The following NCOA1 variants were observed in gnomAD, a reference collection of about 807,000 sequenced individuals.
NCOA1 encodes the protein Hin-2 protein.
In NCOA1, 35 loss-of-function variants were observed where a neutral mutation model predicts 150.9. The ratio of observed to expected loss-of-function variants is 0.23; its 90% CI spans 0.18 to 0.31. NCOA1 has a LOEUF of 0.31. NCOA1 is among the 10% of genes least tolerant of loss of function. The pLI is 1.00. For missense variants in NCOA1, 1,491 were observed against 1,749.3 expected (o/e 0.85, Z 2.63); for synonymous variants, 590 against 630.0 (o/e 0.94, Z 0.95).
At position 24,742,205 on chromosome 2, in the gene NCOA1, T is replaced by A; in HGVS notation, c.3706+19T>A. On this transcript the variant is annotated intron_variant, in intron 19 of 22. Coordinates refer to ENST00000348332, the MANE Select transcript of NCOA1 (RefSeq NM_003743.5). ...GGAGCAGGTAGGAAGGTCACAACTT[T>A]ATGTTGTTCTAAGTAATCCATACAG... 6.3e-7 allele frequency: 1 copy of A among 1,592,420 alleles called. No homozygotes were observed. Among genetic ancestry groups the A allele is most frequent in the African/African-American group, 1.3e-5 (1 of 74,680 alleles).
chr2:24,657,525 G>A (rs1671000883), intron 4 of NCOA1, among the ~76,000 whole-genome samples: 1 of 152,112 alleles, frequency 6.6e-6, no homozygotes, highest in African/African-American at 2.4e-5. Flanking sequence ...TGCCTTTTTG[G>A]TTGCATGAAA....
At position 24,705,122 on chromosome 2, in the gene NCOA1, G is replaced by A. The variant is rs776781109; in HGVS notation, c.986G>A (p.Arg329Lys). The change falls in exon 12 of 23, where the codon AGA (arginine) becomes AAA (lysine). Residue 329 changes from arginine (R) to lysine (K), a missense_variant. Arg to Lys is a conservative substitution (Grantham distance 26). Transcript: ENST00000348332. ...GGCACTGCCTCCAGCCCCTCCTATAGATTCATATTGAATGATGGGACAATG... is the reference window on the plus strand; with the variant it reads ...GGCACTGCCTCCAGCCCCTCCTATAAATTCATATTGAATGATGGGACAATG... ...TRGTASSPSY[R>K]FILNDGTMLS... 5 of 1,613,970 alleles carry A rather than the reference G, an allele frequency of 3.1e-6. No homozygotes were observed. In the Admixed American group the frequency reaches 6.7e-5, roughly 22 times the overall value.
At chr2:24,643,241 C>T (rs1037403360) in intron 3 of NCOA1, among the ~76,000 whole-genome samples, 1 of 152,144 alleles carries the variant, frequency 6.6e-6, no homozygotes, top group Admixed American at 6.5e-5. Flanking sequence ...TCCTTTAAAC[C>T]TAGCCTCTCT....
At position 24,693,248 on chromosome 2, in the gene NCOA1, G is replaced by A. The variant is rs751610596; in HGVS notation, c.713-4G>A. On this transcript the variant is annotated splice_region_variant and splice_polypyrimidine_tract_variant and intron_variant, in intron 9 of 22. Coordinates refer to ENST00000348332, the MANE Select transcript of NCOA1 (RefSeq NM_003743.5). ...CTTCAATTTCCCCGTCTTGTTTTGG[G>A]CAGATTTCCAGTCATGTCTGATTTG... The A allele has an allele frequency of 1.6e-5, 26 of 1,613,696 alleles. No individual in the cohort carries two copies. The East Asian group carries it at 4.9e-4, about 30-fold the overall frequency.
At chr2:24,500,038 G>T (rs535833894) in intron 1 of NCOA1, among the ~76,000 whole-genome samples, 4 of 152,214 alleles carry the variant, frequency 2.6e-5, no homozygotes, top group Non-Finnish European at 2.9e-5. Flanking sequence ...TCCCTGCTGG[G>T]TAGGCTGATA....
intron 17 of NCOA1, among the ~76,000 whole-genome samples, chr2:24,733,808 A>C (rs900213069): frequency 2.0e-5 from 3 of 152,180 alleles, no homozygotes; most frequent in African/African-American, 2.4e-5. Context: ...ACTTAGAACA[A>C]ATAGAGTAGT....
chr2:24,518,409 C>T (rs916264470), intron 1 of NCOA1, among the ~76,000 whole-genome samples: 16 of 152,012 alleles, frequency 1.1e-4, no homozygotes, highest in African/African-American at 3.9e-4. Context: ...AGACTAAATG[C>T]ATTCCCTCCA....
chr2:24,566,306 C>T (rs1353460992), intron 2 of NCOA1, among the ~76,000 whole-genome samples: 1 of 151,934 alleles, frequency 6.6e-6, no homozygotes, highest in East Asian at 1.9e-4. Flanking sequence ...CTCCTCTCCG[C>T]AGCTGGTCAT....
chr2:24,569,599 C>CGGTA (rs1167113497), intron 2 of NCOA1, among the ~76,000 whole-genome samples: 1 of 112,108 alleles, frequency 8.9e-6, no homozygotes, highest in Admixed American at 1.4e-4. Flanking sequence ...GGGCTAGGTA[C>CGGTA]GGTAGCTCAG....
intron 1 of NCOA1, among the ~76,000 whole-genome samples, chr2:24,536,209 A>G (rs190035343): frequency 1.0e-3 from 158 of 152,224 alleles, no homozygotes; most frequent in Non-Finnish European, 1.5e-3. Context: ...TTGATCTTCA[A>G]TCACTGATAT....
At chr2:24,516,051 C>T (rs764771474) in intron 1 of NCOA1, among the ~76,000 whole-genome samples, 1 of 152,094 alleles carries the variant, frequency 6.6e-6, no homozygotes, top group Non-Finnish European at 1.5e-5. Flanking sequence ...ACTCTGGTGG[C>T]TTGACTCCTG....
At chr2:24,535,997 G>A (rs1665122145) in intron 1 of NCOA1, among the ~76,000 whole-genome samples, 1 of 152,146 alleles carries the variant, frequency 6.6e-6, no homozygotes, top group African/African-American at 2.4e-5. Flanking sequence ...ATGTTGGCCT[G>A]CCTTGCTAGG....
At chr2:24,763,537 C>CA (rs35265100) in intron 22 of NCOA1, among the ~76,000 whole-genome samples, 1,418 of 80,730 alleles carry the variant, frequency 0.018, 17 homozygotes, top group Non-Finnish European at 0.023. Context: ...GACTCCATCT[C>CA]AAAAAAAAAA....
intron 1 of NCOA1, among the ~76,000 whole-genome samples, chr2:24,546,111 A>G (rs956670084): frequency 7.2e-5 from 11 of 152,138 alleles, no homozygotes; most frequent in African/African-American, 2.7e-4. Flanking sequence ...ATTTAATCAC[A>G]AACTGACAGC....
chr2:24,537,172 A>G (rs974949455), intron 1 of NCOA1, among the ~76,000 whole-genome samples: 2 of 151,986 alleles, frequency 1.3e-5, no homozygotes, highest in East Asian at 1.9e-4. Context: ...ATTAGTCACA[A>G]TAGTCAAGAT....
In NCOA1 at chr2:24,706,821, G is replaced by A. The variant is rs1673464657; in HGVS notation, c.1351G>A (p.Ala451Thr). ...FGCSPGSQIV[A>T]NVALNQGQAS... ...ATGCTCACCCGGAAGTCAGATTGTA[G>A]CCAATGTTGCCTTAAACCAAGGACA... The change falls in exon 13 of 23, where the codon GCC (alanine) becomes ACC (threonine). Residue 451 changes from alanine (A) to threonine (T), a missense_variant. Ala to Thr is a moderately conservative substitution (Grantham distance 58). Coordinates refer to ENST00000348332, the MANE Select transcript of NCOA1 (RefSeq NM_003743.5). 1 of 1,614,174 alleles carries A rather than the reference G, an allele frequency of 6.2e-7. No individual in the cohort carries two copies. Among genetic ancestry groups the A allele is most frequent in the Non-Finnish European group, 8.5e-7 (1 of 1,180,034 alleles).
At chr2:24,599,845 C>T (rs140594165) in intron 3 of NCOA1, among the ~76,000 whole-genome samples, 11 of 151,508 alleles carry the variant, frequency 7.3e-5, no homozygotes, top group African/African-American at 2.2e-4. Context: ...ATTCTCGTGC[C>T]TCAGCCTCCC....
chr2:24,526,494 G>C (rs191293994), intron 1 of NCOA1, among the ~76,000 whole-genome samples: 1 of 151,046 alleles, frequency 6.6e-6, no homozygotes, highest in East Asian at 1.9e-4. Flanking sequence ...AGTGTCTTTG[G>C]ACTATTGTCT....
At chr2:24,656,685 CT>C (rs1391467000) in intron 4 of NCOA1, among the ~76,000 whole-genome samples, 1 of 152,178 alleles carries the variant, frequency 6.6e-6, no homozygotes, top group Admixed American at 6.5e-5. Context: ...AGATTAACTT[CT>C]TTAGTTTACA....
Sources: allele counts gnomAD v4.1 joint callset (sites outside exome capture counted in the v4.1 genomes callset), GRCh38; gene constraint gnomAD v4.1.1; transcripts MANE v1.5; gene names NCBI Gene and HGNC (gene_info 2026-07-23, HGNC 2026-07-21).